ERC2: variants seen among roughly 807,000 people sequenced by gnomAD.
The protein encoded by ERC2 is ELKS/RAB6-interacting/CAST family member 2.
In ERC2, 42 loss-of-function variants were observed where a neutral mutation model predicts 114.8. That is an observed-to-expected ratio of 0.37 (90% confidence interval 0.29 to 0.47). ERC2 has a LOEUF of 0.47. Among genes scored for constraint, ERC2 ranks in the 20% least tolerant of loss-of-function variants. The pLI is 0.99. For synonymous variants in ERC2, 454 were observed against 425.5 expected (o/e 1.07, Z -0.82); for missense variants, 939 against 1,150.7 (o/e 0.82, Z 2.66).
intron 2 of ERC2, among the ~76,000 whole-genome samples, chr3:56,354,026 G>A (rs920102585): frequency 1.9e-4 from 29 of 152,068 alleles, no homozygotes; most frequent in South Asian, 2.1e-4. Flanking sequence ...TAAGTGGCAG[G>A]AATCAGGCAG....
In ERC2 at chr3:56,313,175, T is replaced by C. The variant is rs1022151453; in HGVS notation, c.658-16740A>G. 4.7e-5 allele frequency among the ~76,000 whole-genome samples: 7 copies of C among 149,946 alleles called. No homozygotes were observed. In the East Asian group the frequency reaches 1.2e-3, roughly 25 times the overall value. Reference sequence around the variant, plus strand: ...AGAGGAAAATATACCACAGTGATCATTGCTGGGGAGAGGAGGATGGGGAAA... The same window carrying C: ...AGAGGAAAATATACCACAGTGATCACTGCTGGGGAGAGGAGGATGGGGAAA... On this transcript the variant is annotated intron_variant, in intron 2 of 17. Transcript: ENST00000288221.
intron 3 of ERC2, among the ~76,000 whole-genome samples, chr3:56,284,609 A>T (rs2054557133): frequency 6.6e-6 from 1 of 152,210 alleles, no homozygotes; most frequent in Admixed American, 6.5e-5. Context: ...ACAGAAAGGG[A>T]GACACAAAGG....
chr3:55,597,419 C>CA (rs34105072), intron 17 of ERC2, among the ~76,000 whole-genome samples: 78,989 of 128,244 alleles, frequency 0.62, 23,875 homozygotes, highest in East Asian at 0.83. Context: ...GACTCCAACT[C>CA]AAAAAAAAAA....
chr3:56,067,706 T>C (rs2076547164), intron 7 of ERC2, among the ~76,000 whole-genome samples: 1 of 152,236 alleles, frequency 6.6e-6, no homozygotes, highest in Non-Finnish European at 1.5e-5. Context: ...TATTTTGAGA[T>C]ATGTTCCACC....
intron 3 of ERC2, among the ~76,000 whole-genome samples, chr3:56,205,679 G>A (rs2048683034): frequency 6.6e-6 from 1 of 152,258 alleles, no homozygotes; most frequent in South Asian, 2.1e-4. Context: ...TGCAACAGAT[G>A]CCAGGAAGAA....
intron 3 of ERC2, among the ~76,000 whole-genome samples, chr3:56,220,443 A>G (rs1378627665): frequency 1.3e-5 from 2 of 152,218 alleles, no homozygotes; most frequent in African/African-American, 2.4e-5. Context: ...GGCTGACTGA[A>G]GCAGAAATGT....
rs184273670 is a variant in ERC2, at chr3:55,695,922, C to A, written c.2847+3456G>T. Among the ~76,000 whole-genome samples the A allele has an allele frequency of 1.0e-3, 157 of 152,232 alleles. 2 individuals are homozygous for A. Among genetic ancestry groups the A allele is most frequent in the Admixed American group, 9.6e-3 (146 of 15,286 alleles). ...TTCTTTCTTATATGACTTTTTAGAT[C>A]CTTTGATCTACTAATTGCCCCAGGA... On this transcript the variant is annotated intron_variant, in intron 16 of 17. Coordinates refer to ENST00000288221, the MANE Select transcript of ERC2 (RefSeq NM_015576.3).
intron 13 of ERC2, among the ~76,000 whole-genome samples, chr3:55,923,441 G>A (rs1349590152): frequency 6.6e-6 from 1 of 152,054 alleles, no homozygotes; most frequent in East Asian, 1.9e-4. Flanking sequence ...TGGGATGGAT[G>A]ACAGTGATAG....
At chr3:55,991,017 C>T (rs2071021974) in intron 11 of ERC2, among the ~76,000 whole-genome samples, 1 of 152,134 alleles carries the variant, frequency 6.6e-6, no homozygotes, top group Admixed American at 6.6e-5. Flanking sequence ...ATCACTTGAG[C>T]CTAGAACTTC....
chr3:56,413,644 A>G (rs2061029598), intron 2 of ERC2, among the ~76,000 whole-genome samples: 1 of 152,146 alleles, frequency 6.6e-6, no homozygotes, highest in Non-Finnish European at 1.5e-5. Flanking sequence ...ACCCCACCCA[A>G]ACTCCTAACA....
intron 3 of ERC2, among the ~76,000 whole-genome samples, chr3:56,197,202 G>C (rs2048159786): frequency 6.6e-6 from 1 of 152,114 alleles, no homozygotes; most frequent in African/African-American, 2.4e-5. Context: ...CTCATTTCTA[G>C]GTGTGTGGCC....
At chr3:56,207,113 A>T (rs2048782277) in intron 3 of ERC2, among the ~76,000 whole-genome samples, 1 of 151,648 alleles carries the variant, frequency 6.6e-6, no homozygotes, top group Non-Finnish European at 1.5e-5. Flanking sequence ...TATTTTAGAG[A>T]CTCTAATATG....
chr3:56,362,576 G>A (rs1386450291), intron 2 of ERC2, among the ~76,000 whole-genome samples: 1 of 152,202 alleles, frequency 6.6e-6, no homozygotes, highest in African/African-American at 2.4e-5. Context: ...TATTGATTTT[G>A]GTGGTGGATG....
chr3:56,087,692 C>A (rs1430024262), intron 6 of ERC2, among the ~76,000 whole-genome samples: 2 of 152,120 alleles, frequency 1.3e-5, no homozygotes, highest in African/African-American at 2.4e-5. Context: ...ATTGAATAAA[C>A]AGGCTATCAC....
At chr3:55,650,988 C>T (rs780352383) in intron 17 of ERC2, among the ~76,000 whole-genome samples, 1 of 150,214 alleles carries the variant, frequency 6.7e-6, no homozygotes, top group South Asian at 2.1e-4. Context: ...GCTGGGATTA[C>T]AGGCATCCGC....
At chr3:55,739,025 C>G (rs1242664235) in intron 14 of ERC2, among the ~76,000 whole-genome samples, 3 of 152,124 alleles carry the variant, frequency 2.0e-5, no homozygotes, top group Admixed American at 1.3e-4. Flanking sequence ...GTTTTCTGTT[C>G]TTGTGTTAGT....
chr3:56,066,012 T>A (rs2076464154), intron 7 of ERC2, among the ~76,000 whole-genome samples: 1 of 152,206 alleles, frequency 6.6e-6, no homozygotes, highest in Non-Finnish European at 1.5e-5. Flanking sequence ...TGAGCATACA[T>A]GTGCATGTAT....
rs1256203004 is a variant in ERC2 at position 55,611,485 on chromosome 3, T to G, written c.*39+72309A>C. Among the ~76,000 whole-genome samples, 4 of 152,296 alleles carry G rather than the reference T, an allele frequency of 2.6e-5. No homozygotes were observed. The East Asian group carries it at 7.7e-4, about 29-fold the overall frequency. ...GCTTGTGTGTGAAGGCTGGGCTGTTTGGGGGCCTCACTGTGTGAAAAGATT... is the reference window on the plus strand; with the variant it reads ...GCTTGTGTGTGAAGGCTGGGCTGTTGGGGGGCCTCACTGTGTGAAAAGATT... On this transcript the variant is annotated intron_variant, in intron 17 of 17. Transcript: ENST00000288221.
intron 14 of ERC2, among the ~76,000 whole-genome samples, chr3:55,831,142 C>CA (rs576800724): frequency 0.2 from 20,699 of 105,572 alleles, 2,520 homozygotes; most frequent in African/African-American, 0.39. Context: ...CCCCTCTCTA[C>CA]AAAAAAAAAA....
Sources: gnomAD v4.1 joint callset for allele counts (sites outside exome capture counted in the v4.1 genomes callset) on GRCh38, gnomAD v4.1.1 for gene constraint, MANE v1.5 for transcripts, NCBI Gene and HGNC (gene_info 2026-07-23, HGNC 2026-07-21) for gene names.